The following RRBP1 variants were observed in gnomAD, a reference collection of about 807,000 sequenced individuals.
RRBP1 encodes the protein ribosome-binding protein 1.
In RRBP1, 94 loss-of-function variants were observed where a neutral mutation model predicts 165.2. That is an observed-to-expected ratio of 0.57 (90% CI 0.48 to 0.68). The LOEUF (loss-of-function observed/expected upper bound fraction) is 0.68. RRBP1 is among the 30% of genes least tolerant of loss of function. RRBP1 has a pLI of 0.00. For missense variants in RRBP1, 1,676 were observed against 1,763.0 expected, an observed-to-expected ratio of 0.95 and a Z score of 0.88; for synonymous variants, 680 against 714.5, an observed-to-expected ratio of 0.95 and a Z score of 0.77.
chr20:17,658,898 C>T lies in RRBP1; in HGVS notation c.1610G>A (p.Gly537Asp), dbSNP rs1403332268. Reference protein sequence around the residue: ...GKKAERSPNQGKKGEGAPIQG... With the variant: ...GKKAERSPNQDKKGEGAPIQG... ...GATGGGAGCTCCCTCTCCTTTTTTG[C>T]CTTGGTTGGGACTCCTTTCTGCCTT... The change falls in exon 3 of 25, where the codon GGC becomes GAC. Residue 537 changes from glycine to aspartate, a missense_variant. Around this residue, in one of 5 missense-constraint regions of RRBP1, gnomAD observed 1,184 missense variants for 1,167.1 expected, o/e 1.01. Transcript: ENST00000377813. The T allele has an allele frequency of 6.2e-7, 1 of 1,613,480 alleles. No individual in the cohort carries two copies. The highest frequency in any genetic ancestry group is 1.3e-5 in the African/African-American group (1 of 75,052).
intron 3 of RRBP1, among the ~76,000 whole-genome samples, chr20:17,654,708 C>A (rs888771255): frequency 3.3e-5 from 5 of 152,150 alleles, no homozygotes; most frequent in African/African-American, 1.2e-4. Flanking sequence ...GACTCTATAG[C>A]CTGTGCCATT....
chr20:17,681,078 C>G (rs923460951), intron 1 of RRBP1, among the ~76,000 whole-genome samples: 1 of 151,838 alleles, frequency 6.6e-6, no homozygotes, highest in East Asian at 1.9e-4. Context: ...CTAATCAGGG[C>G]GCAGCGGGAG....
intron 5 of RRBP1, among the ~76,000 whole-genome samples, chr20:17,639,868 G>C (rs2036317088): frequency 6.9e-6 from 1 of 145,886 alleles, no homozygotes; most frequent in African/African-American, 2.5e-5. Flanking sequence ...ACTCCAGCCT[G>C]GGCAATAACA....
chr20:17,661,956 T>C (rs1011186042), intron 2 of RRBP1, among the ~76,000 whole-genome samples: 4 of 152,180 alleles, frequency 2.6e-5, no homozygotes, highest in Non-Finnish European at 5.9e-5. Context: ...TGTCTTGGCA[T>C]TGTGTTCTAA....
At chr20:17,670,080 T>A (rs1160705168) in intron 2 of RRBP1, among the ~76,000 whole-genome samples, 1 of 152,214 alleles carries the variant, frequency 6.6e-6, no homozygotes, top group Non-Finnish European at 1.5e-5. Flanking sequence ...ACATCCTTTA[T>A]CAGGATAAAG....
chr20:17,652,210 T>C (rs1274475286), intron 3 of RRBP1, among the ~76,000 whole-genome samples: 2 of 152,206 alleles, frequency 1.3e-5, no homozygotes, highest in African/African-American at 4.8e-5. Flanking sequence ...GTGCAAAACT[T>C]TCTGCTCTGA....
chr20:17,655,798 A>C, intron 3 of RRBP1, among the ~76,000 whole-genome samples: 1 of 152,244 alleles, frequency 6.6e-6, no homozygotes, highest in East Asian at 1.9e-4. Context: ...TTATATATTT[A>C]TATTAACGGT....
rs779399693 is a variant in RRBP1, at chr20:17,643,104, G to A, written c.1936C>T (p.Leu646Phe). The change falls in exon 4 of 25, where the codon CTC becomes TTC. Residue 646 changes from leucine to phenylalanine, a missense_variant. Coordinates refer to ENST00000377813, the MANE Select transcript of RRBP1 (RefSeq NM_001365613.2). This position sits in a 1 kb window ranked among gnomAD's most constrained non-coding sequence, Gnocchi z 4.3. The stretch of plus-strand genomic sequence containing the variant: ...ACCAGCGTCTTGTAGGGGAGGTAGA[G>A]AGGGCCGTCGGCATCTGGGGGCCCT... ...EPGPPDADGP[L>F]YLPYKTLVST... 1.2e-6 allele frequency: 2 copies of A among 1,614,036 alleles called. No individual in the cohort carries two copies. Among genetic ancestry groups the A allele is most frequent in the South Asian group, 2.2e-5 (2 of 91,084 alleles).
intron 3 of RRBP1, among the ~76,000 whole-genome samples, chr20:17,647,001 C>T (rs569954991): frequency 1.3e-5 from 2 of 152,336 alleles, no homozygotes; most frequent in South Asian, 2.1e-4. Flanking sequence ...CAGGAACTGC[C>T]GCCTGAGCCC....
intron 2 of RRBP1, among the ~76,000 whole-genome samples, chr20:17,669,685 G>C (rs183496730): frequency 6.6e-6 from 1 of 152,248 alleles, no homozygotes; most frequent in Non-Finnish European, 1.5e-5. Context: ...CGTTTTCAGA[G>C]TTACTTCTTA....
intron 13 of RRBP1, among the ~76,000 whole-genome samples, chr20:17,622,643 G>A (rs1388981495): frequency 6.6e-6 from 1 of 152,036 alleles, no homozygotes; most frequent in Non-Finnish European, 1.5e-5. Flanking sequence ...CCCATTCAAA[G>A]CACAACAAAG....
intron 2 of RRBP1, among the ~76,000 whole-genome samples, chr20:17,672,512 C>G (rs947450889): frequency 1.3e-5 from 2 of 152,144 alleles, no homozygotes; most frequent in African/African-American, 4.8e-5. Flanking sequence ...CATTTTGGTT[C>G]CCTTTTAGAA....
rs371608257 is a variant in RRBP1, at chr20:17,621,835, G to T, written c.3240+20C>A. On this transcript the variant is annotated intron_variant, in intron 14 of 24. Coordinates refer to ENST00000377813, the MANE Select transcript of RRBP1 (RefSeq NM_001365613.2). ...TCCCTGAGAACTGTGAGGTCCCCGG[G>T]AACCACCCTCCCCTCCTACCTGTTG... The T allele has an allele frequency of 5.6e-6, 9 of 1,613,080 alleles. No homozygotes were observed. Among genetic ancestry groups the T allele is most frequent in the African/African-American group, 4.0e-5 (3 of 74,882 alleles).
intron 3 of RRBP1, among the ~76,000 whole-genome samples, chr20:17,646,913 C>G (rs1044884036): frequency 1.3e-5 from 2 of 152,196 alleles, no homozygotes; most frequent in Non-Finnish European, 2.9e-5. Context: ...GGCCAGCCCC[C>G]CACATCAGCT....
chr20:17,627,746 C>T (rs2036057852), intron 9 of RRBP1, 64 bp from the exon 10 acceptor site: 13 of 1,466,614 alleles, frequency 8.9e-6, no homozygotes, highest in African/African-American at 1.4e-5. Flanking sequence ...GTGGAGGATG[C>T]CCTCACTGCT....
At chr20:17,620,404 A>G in intron 17 of RRBP1, 34 bp from the exon 18 acceptor site, 3 of 1,568,534 alleles carry the variant, frequency 1.9e-6, no homozygotes, top group Non-Finnish European at 2.6e-6. Context: ...GTCAGACACG[A>G]GCACCTGGGG....
intron 18 of RRBP1, among the ~76,000 whole-genome samples, 164 bp downstream of exon 18, chr20:17,620,135 T>G (rs948322589): frequency 1.3e-5 from 2 of 151,956 alleles, no homozygotes; most frequent in Non-Finnish European, 2.9e-5. Flanking sequence ...ATGTCTCTCA[T>G]TAAGGAAAAA....
intron 4 of RRBP1, 46 bp from the exon 5 acceptor site, chr20:17,641,965 T>C (rs776280984): frequency 5.7e-6 from 9 of 1,589,946 alleles, no homozygotes; most frequent in African/African-American, 1.3e-5. Flanking sequence ...AAATGGGACT[T>C]GGCTCATCCC....
At chr20:17,636,308 T>C (rs943672035) in intron 6 of RRBP1, among the ~76,000 whole-genome samples, 2 of 152,272 alleles carry the variant, frequency 1.3e-5, no homozygotes, top group African/African-American at 4.8e-5. Context: ...GCTGGCCATC[T>C]GAGACTAGGC....
Sources: allele counts gnomAD v4.1 joint callset (sites outside exome capture counted in the v4.1 genomes callset), GRCh38; gene constraint gnomAD v4.1.1; regional missense constraint gnomAD v4.1.1; non-coding constraint Gnocchi (gnomAD v3.1); transcripts MANE v1.5; gene names NCBI Gene and HGNC (gene_info 2026-07-23, HGNC 2026-07-21).